The following LMLN variants were observed in gnomAD, a reference collection of about 807,000 sequenced individuals.
LMLN encodes the protein leishmanolysin-like peptidase.
A neutral mutation model predicts 92.3 loss-of-function variants in LMLN; 70 were observed. The observed-to-expected ratio is 0.76, with a 90% CI of 0.63 to 0.92. The LOEUF (loss-of-function observed/expected upper bound fraction) is 0.92. Among genes scored for constraint, LMLN ranks in the 40% least tolerant of loss-of-function variants. The pLI is 0.00. For missense variants in LMLN, 691 were observed against 814.6 expected, an observed-to-expected ratio of 0.85 and a Z score of 1.85; for synonymous variants, 308 against 296.2, an observed-to-expected ratio of 1.04 and a Z score of -0.41.
intron 1 of LMLN, among the ~76,000 whole-genome samples, chr3:197,965,450 G>A (rs778778510): frequency 2.7e-5 from 4 of 149,076 alleles, no homozygotes; most frequent in East Asian, 2.0e-4. Context: ...TATGTTGCCC[G>A]GGCTGGTCTT....
chr3:198,029,711 G>C (rs554728407), intron 14 of LMLN, among the ~76,000 whole-genome samples: 1 of 151,790 alleles, frequency 6.6e-6, no homozygotes, highest in African/African-American at 2.4e-5. Context: ...CAAAAAACTA[G>C]AGCCTCTGTT....
intron 11 of LMLN, among the ~76,000 whole-genome samples, chr3:198,015,518 G>T (rs1358976840): frequency 2.0e-5 from 2 of 99,676 alleles, no homozygotes; most frequent in Admixed American, 1.2e-4. Flanking sequence ...AGCCCCCTAA[G>T]TAGTTTGACT....
At chr3:198,008,286 A>T (rs534729567) in intron 11 of LMLN, among the ~76,000 whole-genome samples, 1 of 152,162 alleles carries the variant, frequency 6.6e-6, no homozygotes, top group Non-Finnish European at 1.5e-5. Context: ...TTCAAATCTG[A>T]CACATTTTGA....
intron 1 of LMLN, among the ~76,000 whole-genome samples, chr3:197,969,831 G>A (rs958882208): frequency 2.6e-5 from 4 of 151,988 alleles, no homozygotes; most frequent in Admixed American, 1.3e-4. Flanking sequence ...ATTAATATAT[G>A]ACTTCTTTAT....
intron 5 of LMLN, among the ~76,000 whole-genome samples, chr3:197,979,369 A>T (rs1286836945): frequency 1.4e-3 from 214 of 152,312 alleles, no homozygotes; most frequent in African/African-American, 5.1e-3. Flanking sequence ...AGTGACCATT[A>T]CAGAGGCAAA....
At chr3:197,996,199 T>C in exon 10 of LMLN, 1 of 1,578,296 alleles carries the variant, frequency 6.3e-7, no homozygotes, top group Admixed American at 1.9e-5. Flanking sequence ...ACATTTTGAT[T>C]GTCCAGTTCT....
At chr3:198,020,421 A>G (rs965886066) in intron 12 of LMLN, among the ~76,000 whole-genome samples, 2 of 152,232 alleles carry the variant, frequency 1.3e-5, no homozygotes, top group Admixed American at 1.3e-4. Context: ...AAGCTGCTGA[A>G]TTTTAAGCTT....
chr3:198,015,924 G>C (rs1346036026), intron 11 of LMLN, among the ~76,000 whole-genome samples: 1 of 152,170 alleles, frequency 6.6e-6, no homozygotes, highest in Admixed American at 6.5e-5. Context: ...GGTGGGCCGG[G>C]TGTGGTGTGG....
chr3:198,038,067 C>T (rs989881408), intron 15 of LMLN, among the ~76,000 whole-genome samples: 3 of 151,812 alleles, frequency 2.0e-5, no homozygotes, highest in African/African-American at 7.3e-5. Flanking sequence ...TGCTCCTCTC[C>T]CTTGCCTCCT....
intron 6 of LMLN, among the ~76,000 whole-genome samples, chr3:197,982,194 G>T (rs1377241810): frequency 6.7e-6 from 1 of 148,528 alleles, no homozygotes; most frequent in Admixed American, 6.7e-5. Context: ...ACTTCTCCTA[G>T]ATTTGTTAAA....
chr3:197,970,738 G>A (rs940432134), intron 1 of LMLN, among the ~76,000 whole-genome samples: 1 of 152,214 alleles, frequency 6.6e-6, no homozygotes, highest in Non-Finnish European at 1.5e-5. Context: ...ACTTCTAGAT[G>A]CCAGCAAAAG....
chr3:198,030,398 G>A (rs1365766578), intron 14 of LMLN, among the ~76,000 whole-genome samples: 3 of 152,038 alleles, frequency 2.0e-5, no homozygotes, highest in African/African-American at 4.8e-5. Context: ...TTACTTCCCC[G>A]TTCTCCCCAG....
chr3:198,029,992 G>A (rs1369579341), intron 14 of LMLN, among the ~76,000 whole-genome samples: 2 of 151,886 alleles, frequency 1.3e-5, no homozygotes, highest in East Asian at 1.9e-4. Context: ...ATAGGCGCCC[G>A]CCACCATGCC....
At chr3:198,006,017 T>TGA (rs1722283966) in intron 11 of LMLN, among the ~76,000 whole-genome samples, 1 of 152,228 alleles carries the variant, frequency 6.6e-6, no homozygotes, top group East Asian at 1.9e-4. Context: ...CTCAGGAGGC[T>TGA]GAGGCAAGGA....
At chr3:198,007,831 C>G (rs1055379090) in intron 11 of LMLN, among the ~76,000 whole-genome samples, 2 of 152,172 alleles carry the variant, frequency 1.3e-5, no homozygotes, top group African/African-American at 2.4e-5. Flanking sequence ...AGAAAACATT[C>G]AGTCTTTCAT....
At chr3:197,977,971 TCAAA>T (rs1452784769) in intron 5 of LMLN, among the ~76,000 whole-genome samples, 4 of 151,812 alleles carry the variant, frequency 2.6e-5, no homozygotes, top group Non-Finnish European at 2.9e-5. Context: ...ATAAAAATTA[TCAAA>T]CAATCTGGAA....
chr3:198,001,605 C>G (rs569193408), intron 11 of LMLN, among the ~76,000 whole-genome samples: 5 of 152,166 alleles, frequency 3.3e-5, no homozygotes, highest in Non-Finnish European at 5.9e-5. Context: ...TAGCTAGTAA[C>G]GTAACTCACA....
exon 7 of LMLN, chr3:197,984,044 C>T (rs1721631243): frequency 6.3e-7 from 1 of 1,597,890 alleles, no homozygotes; most frequent in African/African-American, 1.3e-5. Context: ...GTTATTCATG[C>T]CCTGGTAAAT....
At position 197,996,155 on chromosome 3, in the gene LMLN, A is replaced by G; in HGVS notation, c.1048-20A>G. 1 of 1,443,400 alleles carries G rather than the reference A, an allele frequency of 6.9e-7. No homozygotes were observed. The highest frequency in any genetic ancestry group is 1.9e-4 in the Middle Eastern group (1 of 5,338). The allele number at this position is 1,443,400 out of a possible 1,614,324, so 89.4% of individuals were successfully genotyped here. On this transcript the variant is annotated intron_variant, in intron 9 of 15. Coordinates refer to ENST00000330198, the Ensembl canonical transcript of LMLN. Reference sequence around the variant, plus strand: ...TACTTTTGTACCATATTTGTTTCTGATTTTTTTTCTGGTTCTTAGGAGGAA... The same window carrying G: ...TACTTTTGTACCATATTTGTTTCTGGTTTTTTTTCTGGTTCTTAGGAGGAA...
Sources: gnomAD v4.1 joint callset for allele counts (sites outside exome capture counted in the v4.1 genomes callset) on GRCh38, gnomAD v4.1.1 for gene constraint, MANE v1.5 for transcripts, NCBI Gene and HGNC (gene_info 2026-07-23, HGNC 2026-07-21) for gene names.